DDX54: variants seen among roughly 807,000 people sequenced by gnomAD.
DDX54 encodes DEAD-box helicase 54, also known as ATP-dependent RNA helicase DDX54.
DDX54 carries 67 observed loss-of-function variants against 105.5 expected under a neutral mutation model. The observed-to-expected ratio is 0.64, with a 90% CI of 0.52 to 0.78. DDX54 has a LOEUF of 0.78. Among genes scored for constraint, DDX54 ranks in the 30% least tolerant of loss-of-function variants. DDX54 has a pLI of 0.00. For missense variants in DDX54, 1,206 were observed against 1,230.5 expected, an observed-to-expected ratio of 0.98 and a Z score of 0.30; for synonymous variants, 514 against 509.9, an observed-to-expected ratio of 1.01 and a Z score of -0.11.
chr12:113,164,413 A>T, intron 14 of DDX54, 128 bp from the exon 15 acceptor site: 1 of 1,191,028 alleles, frequency 8.4e-7, no homozygotes, highest in Non-Finnish European at 1.1e-6. Context: ...TGCACTTCAC[A>T]ATTAGATAGA....
At chr12:113,179,610 C>T (rs1329033364) in intron 3 of DDX54, among the ~76,000 whole-genome samples, 1 of 152,196 alleles carries the variant, frequency 6.6e-6, no homozygotes, top group African/African-American at 2.4e-5. Flanking sequence ...CTCAGAACCC[C>T]AGAGAAATGG....
intron 7 of DDX54, among the ~76,000 whole-genome samples, chr12:113,175,897 G>A (rs548098546): frequency 2.0e-5 from 3 of 152,054 alleles, no homozygotes; most frequent in Non-Finnish European, 4.4e-5. Flanking sequence ...AGGCTGCAGT[G>A]AGCCATCATC....
At chr12:113,182,820 G>T (rs1166599721) in intron 1 of DDX54, among the ~76,000 whole-genome samples, 1 of 151,700 alleles carries the variant, frequency 6.6e-6, no homozygotes, top group Non-Finnish European at 1.5e-5. Flanking sequence ...GCCTCCCAAA[G>T]TGCTCGGATT....
Position 113,163,112 on chromosome 12 carries a change from G to A in DDX54, c.2081+20C>T. 6.2e-7 allele frequency: 1 copy of A among 1,612,162 alleles called. No homozygotes were observed. Among genetic ancestry groups the A allele is most frequent in the East Asian group, 2.2e-5 (1 of 44,864 alleles). On this transcript the variant is annotated intron_variant, in intron 16 of 19. Transcript: ENST00000306014. This position sits in a 1 kb window ranked among gnomAD's most constrained non-coding sequence, Gnocchi z 5.9. ...CCAGCGGACCCAACTGCCCCACCCA[G>A]GACCCAGCCAGCCACTCACCCCCGC... is the stretch of plus-strand genomic sequence containing the variant.
At chr12:113,182,759 G>A (rs888421293) in intron 1 of DDX54, among the ~76,000 whole-genome samples, 2 of 151,666 alleles carry the variant, frequency 1.3e-5, no homozygotes, top group African/African-American at 4.8e-5. Flanking sequence ...GTTTCACCAT[G>A]TTGGCCAGGC....
Position 113,157,755 on chromosome 12 carries a change from G to A in DDX54, c.*1122C>T, listed in dbSNP as rs1020949930. ...TAGGAGGGCCCACATTTCCAATGGG[G>A]TGTGGACTGAGTGGCTCTTCCTGAA... On this transcript the variant is annotated 3_prime_UTR_variant, in exon 20 of 20. Transcript: ENST00000306014. The A allele has an allele frequency of 8.4e-7, 1 of 1,194,890 alleles. No individual in the cohort carries two copies. The highest frequency in any genetic ancestry group is 2.0e-5 in the Admixed American group (1 of 50,336). The allele number at this position is 1,194,890 out of a possible 1,614,324, so 74.0% of individuals were successfully genotyped here.
chr12:113,163,142 T>C lies in DDX54; in HGVS notation c.2071A>G (p.Ser691Gly), dbSNP rs2136314537. ...YIPYRPKDFD[S>G]ERGLSISGEG... ...CAGCCAGCCACTCACCCCCGCTCGC[T>C]GTCAAAGTCCTTGGGCCGGTAGGGG... The change falls in exon 16 of 20, where the codon AGC becomes GGC. Residue 691 changes from serine to glycine, a missense_variant. Transcript: ENST00000306014. The surrounding 1 kb of genome is among the most constrained non-coding windows in gnomAD (Gnocchi z 5.9). The C allele has an allele frequency of 1.2e-6, 2 of 1,613,176 alleles. No homozygotes were observed. Among genetic ancestry groups the C allele is most frequent in the Non-Finnish European group, 1.7e-6 (2 of 1,179,972 alleles).
rs1471213929 is a variant in DDX54, at chr12:113,157,618, A to T, written c.*1259T>A. On this transcript the variant is annotated 3_prime_UTR_variant, in exon 20 of 20. Transcript: ENST00000306014. ...CCCCCCCAGGTGAAGCTGTTCATGC[A>T]GGACCTCTCTGCCATGCTGGCCGGC... is the stretch of plus-strand genomic sequence containing the variant. The T allele has an allele frequency of 4.5e-6, 7 of 1,551,708 alleles. No individual in the cohort carries two copies. Among genetic ancestry groups the T allele is most frequent in the Non-Finnish European group, 6.1e-6 (7 of 1,146,996 alleles).
chr12:113,161,786 C>CCCCCCCCCCA, intron 18 of DDX54, 107 bp downstream of exon 18: 1 of 155,248 alleles, frequency 6.4e-6, no homozygotes, highest in Non-Finnish European at 1.3e-5. Context: ...CTCAGCCCCG[C>CCCCCCCCCCA]CCCCTCCTCC....
At chr12:113,168,084 C>T (rs927450316) in intron 12 of DDX54, 3 of 382,256 alleles carry the variant, frequency 7.8e-6, no homozygotes, top group Admixed American at 6.1e-5. Context: ...GCACAGGCCG[C>T]CCCCCACCCC....
Position 113,180,991 on chromosome 12 carries a change from G to C in DDX54, c.242C>G (p.Thr81Ser). Residue 81 changes from threonine to serine, a missense_variant, in exon 2 of 20, where the codon ACC becomes AGC. This residue lies in a region of DDX54 where 212 missense variants were observed against 155.4 expected (regional missense o/e 1.36). Coordinates refer to ENST00000306014, the MANE Select transcript of DDX54 (RefSeq NM_024072.4). ...SECTSDVEPD[T>S]REMVRAQNKK... ...GTTCTGGGCACGCACCATCTCCCGG[G>C]TGTCCGGCTCCACATCCGAGGTGCA... The C allele has an allele frequency of 6.2e-7, 1 of 1,613,854 alleles. No individual in the cohort carries two copies. Among genetic ancestry groups the C allele is most frequent in the Non-Finnish European group, 8.5e-7 (1 of 1,179,900 alleles).
rs1952317065 is a variant in DDX54 at position 113,169,906 on chromosome 12, T to C, written c.1280-2A>G. 6.2e-7 allele frequency: 1 copy of C among 1,614,036 alleles called. No individual in the cohort carries two copies. Among genetic ancestry groups the C allele is most frequent in the Non-Finnish European group, 8.5e-7 (1 of 1,179,996 alleles). ...TTCGGCCAGCCCGAGCCACACGGCC[T>C]GCAGCAAGGAGACGTTCAAGCTTAA... On this transcript the variant is annotated splice_acceptor_variant, in intron 11 of 19. Transcript: ENST00000306014. LOFTEE classifies it high-confidence loss of function.
intron 19 of DDX54, 74 bp from the exon 20 acceptor site, chr12:113,159,183 G>C: frequency 6.9e-7 from 1 of 1,453,300 alleles, no homozygotes; most frequent in Non-Finnish European, 9.3e-7. Flanking sequence ...GAAGCTTGCA[G>C]ACTCCTCCCC....
intron 8 of DDX54, 31 bp downstream of exon 8, chr12:113,175,005 C>T: frequency 9.9e-6 from 16 of 1,612,568 alleles, no homozygotes; most frequent in Non-Finnish European, 1.4e-5. Context: ...GCCTGACCCC[C>T]AGCCCCCATC....
intron 11 of DDX54, among the ~76,000 whole-genome samples, chr12:113,171,603 A>C (rs930285026): frequency 7.9e-5 from 12 of 152,120 alleles, no homozygotes; most frequent in African/African-American, 2.9e-4. Flanking sequence ...GACTCTCAAA[A>C]AAAAAAAAAA....
rs368658866 is a variant in DDX54 at position 113,163,097 on chromosome 12, C to T, written c.2081+35G>A. ...TTGGATTGATGGGACCCAGCGGACC[C>T]AACTGCCCCACCCAGGACCCAGCCA... On this transcript the variant is annotated intron_variant, in intron 16 of 19. Transcript: ENST00000306014. This position sits in a 1 kb window ranked among gnomAD's most constrained non-coding sequence, Gnocchi z 5.9. 40 of 1,611,140 alleles carry T rather than the reference C, an allele frequency of 2.5e-5. No individual in the cohort carries two copies. In the African/African-American group the frequency reaches 5.1e-4, roughly 20 times the overall value.
chr12:113,180,044 C>A, intron 2 of DDX54, 39 bp from the exon 3 acceptor site: 2 of 1,595,758 alleles, frequency 1.3e-6, no homozygotes, highest in South Asian at 1.1e-5. Flanking sequence ...CCGAGGGAGT[C>A]CCCACAGCAC....
chr12:113,177,207 G>T, intron 5 of DDX54, 114 bp from the exon 6 acceptor site: 1 of 1,285,380 alleles, frequency 7.8e-7, no homozygotes, highest in Non-Finnish European at 1.1e-6. Flanking sequence ...CAGACCCAAG[G>T]CTTGGAACTG....
At position 113,174,789 on chromosome 12, in the gene DDX54, C is replaced by T. The variant is rs1566098405; in HGVS notation, c.937-18G>A. 1 of 1,614,112 alleles carries T rather than the reference C, an allele frequency of 6.2e-7. No homozygotes were observed. The highest frequency in any genetic ancestry group is 8.5e-7 in the Non-Finnish European group (1 of 1,179,964). ...AAGGAGGTCTGTGGGGAGAGGGCAT[C>T]ACGTGTTGGCTTACGGGGTCCTGGC... On this transcript the variant is annotated intron_variant, in intron 9 of 19. Coordinates refer to ENST00000306014, the MANE Select transcript of DDX54 (RefSeq NM_024072.4).
Sources: allele counts gnomAD v4.1 joint callset (sites outside exome capture counted in the v4.1 genomes callset), GRCh38; gene constraint gnomAD v4.1.1; regional missense constraint gnomAD v4.1.1; non-coding constraint Gnocchi (gnomAD v3.1); transcripts MANE v1.5; gene names NCBI Gene and HGNC (gene_info 2026-07-23, HGNC 2026-07-21).